The following DUSP8 variants were observed in gnomAD, a reference collection of about 807,000 sequenced individuals.
DUSP8 encodes the protein dual specificity phosphatase 8.
A neutral mutation model predicts 38.7 loss-of-function variants in DUSP8; 15 were observed. That is an observed-to-expected ratio of 0.39 (90% CI 0.26 to 0.60). DUSP8 has a LOEUF of 0.60. Among genes scored for constraint, DUSP8 ranks in the 20% least tolerant of loss-of-function variants. DUSP8 has a pLI of 0.56. For synonymous variants in DUSP8, 458 were observed against 433.9 expected (o/e 1.06, Z -0.69); for missense variants, 768 against 915.0 (o/e 0.84, Z 2.07).
Position 1,565,892 on chromosome 11 carries a change from G to GT in DUSP8, c.-67dup. ...AGGAGGGGCTGCTCCGACGGCCCAG[G>GT]TGTGGCCTCGCGCTGGGAGTGACCT... is the stretch of plus-strand genomic sequence containing the variant. On this transcript the variant is annotated 5_prime_UTR_variant, in exon 2 of 7. Transcript: ENST00000397374. 1 of 1,362,432 alleles carries GT rather than the reference G, an allele frequency of 7.3e-7. No homozygotes were observed. The allele number at this position is 1,362,432 out of a possible 1,614,324, so 84.4% of individuals were successfully genotyped here.
chr11:1,554,419 G>A lies in DUSP8; in HGVS notation c.*2099C>T. On this transcript the variant is annotated 3_prime_UTR_variant, in exon 7 of 7. Coordinates refer to ENST00000397374, the MANE Select transcript of DUSP8 (RefSeq NM_004420.3). The stretch of plus-strand genomic sequence containing the variant: ...CAGTGGCCAGGTGGGAGGGGCCGGA[G>A]AGAGGCTTGGAGAGGACTCAGGGCT... 1 of 153,348 alleles carries A rather than the reference G, an allele frequency of 6.5e-6. No homozygotes were observed. The highest frequency in any genetic ancestry group is 6.5e-5 in the Admixed American group (1 of 15,292). 9.5% of individuals were successfully genotyped at this position (153,348 alleles called of 1,614,324 possible).
intron 2 of DUSP8, 21 bp from the exon 3 acceptor site, chr11:1,564,010 A>T (rs981602337): frequency 7.0e-7 from 1 of 1,437,570 alleles, no homozygotes; most frequent in Non-Finnish European, 9.2e-7. Context: ...TGGGGCAGAG[A>T]TCAGCATGCC....
At position 1,557,070 on chromosome 11, in the gene DUSP8, G is replaced by T. The variant is rs1172727312; in HGVS notation, c.1326C>A (p.Ser442Arg). The stretch of plus-strand genomic sequence containing the variant: ...GGCGCGCCTCAGGCGCGGCGTCCGG[G>T]CTGTCCGGGCTGGGCGAGGACAGGC... ...ALGLSSPSPD[S>R]PDAAPEARPR... Residue 442 changes from serine (S) to arginine (R), a missense_variant, in exon 7 of 7, where the codon AGC becomes AGA. This residue lies in a region of DUSP8 where 474 missense variants were observed against 430.8 expected (regional missense o/e 1.10). Transcript: ENST00000397374. This position sits in a 1 kb window ranked among gnomAD's most constrained non-coding sequence, Gnocchi z 9.9. The T allele has an allele frequency of 1.9e-5, 23 of 1,228,028 alleles. No individual in the cohort carries two copies. Among genetic ancestry groups the T allele is most frequent in the Non-Finnish European group, 2.3e-5 (23 of 983,244 alleles). 76.1% of individuals were successfully genotyped at this position (1,228,028 alleles called of 1,614,324 possible). A position where few individuals can be genotyped will look rare whatever the true frequency, so the allele number is the denominator to read the frequency against.
In DUSP8 at chr11:1,565,829, T is replaced by C. The variant is rs778332368; in HGVS notation, c.-3A>G. 9.4e-6 allele frequency: 15 copies of C among 1,603,924 alleles called. No individual in the cohort carries two copies. In the East Asian group the frequency reaches 3.4e-4, roughly 36 times the overall value. ...CTCGGGAGCCGGTCCCCAGCCATGG[T>C]GGGGCAATGGGTGCTGGGGAGGGTG... On this transcript the variant is annotated 5_prime_UTR_variant, in exon 2 of 7. Coordinates refer to ENST00000397374, the MANE Select transcript of DUSP8 (RefSeq NM_004420.3).
At position 1,556,351 on chromosome 11, in the gene DUSP8, T is replaced by G. The variant is rs918291858; in HGVS notation, c.*167A>C. 1.1e-6 allele frequency: 1 copy of G among 931,964 alleles called. No individual in the cohort carries two copies. The highest frequency in any genetic ancestry group is 1.4e-6 in the Non-Finnish European group (1 of 715,692). The allele number at this position is 931,964 out of a possible 1,614,324, so 57.7% of individuals were successfully genotyped here. ...AATAGAGCTCGAGGACCACCCGCAC[T>G]GTTGCCAAATCATTGCCAGAATGAA... On this transcript the variant is annotated 3_prime_UTR_variant, in exon 7 of 7. Coordinates refer to ENST00000397374, the MANE Select transcript of DUSP8 (RefSeq NM_004420.3). This position sits in a 1 kb window ranked among gnomAD's most constrained non-coding sequence, Gnocchi z 5.2.
chr11:1,556,877 C>T lies in DUSP8; in HGVS notation c.1519G>A (p.Ala507Thr), dbSNP rs1692128601. The T allele has an allele frequency of 1.8e-6, 2 of 1,112,140 alleles. No individual in the cohort carries two copies. The highest frequency in any genetic ancestry group is 2.2e-6 in the Non-Finnish European group (2 of 911,864). The allele number at this position is 1,112,140 out of a possible 1,614,324, so 68.9% of individuals were successfully genotyped here. The change falls in exon 7 of 7, where the codon GCC becomes ACC. Residue 507 changes from alanine (A) to threonine (T), a missense_variant. Around this residue, in one of 3 missense-constraint regions of DUSP8, gnomAD observed 474 missense variants for 430.8 expected, o/e 1.10. Coordinates refer to ENST00000397374, the MANE Select transcript of DUSP8 (RefSeq NM_004420.3). This position sits in a 1 kb window ranked among gnomAD's most constrained non-coding sequence, Gnocchi z 5.2. ...PGPGQPAGPG[A>T]WAPPLDSPGT... is the part of the protein sequence containing the mutation. The stretch of plus-strand genomic sequence containing the variant: ...GGGGAGTCGAGCGGCGGTGCCCAGG[C>T]CCCGGGGCCGGCCGGCTGGCCAGGG...
At chr11:1,569,131 G>A (rs1848850264) in intron 1 of DUSP8, among the ~76,000 whole-genome samples, 1 of 152,178 alleles carries the variant, frequency 6.6e-6, no homozygotes, top group Non-Finnish European at 1.5e-5. Context: ...CTGAGTACCT[G>A]TGGCCCTGCT....
In DUSP8 at chr11:1,555,001, T is replaced by C; in HGVS notation, c.*1517A>G. 1 of 986,356 alleles carries C rather than the reference T, an allele frequency of 1.0e-6. No homozygotes were observed. The highest frequency in any genetic ancestry group is 4.7e-5 in the South Asian group (1 of 21,312). The allele number at this position is 986,356 out of a possible 1,614,324, so 61.1% of individuals were successfully genotyped here. On this transcript the variant is annotated 3_prime_UTR_variant, in exon 7 of 7. Coordinates refer to ENST00000397374, the MANE Select transcript of DUSP8 (RefSeq NM_004420.3). ...TAGAAGAAACAGCAGAGAGGGCGGC[T>C]GGCTGGGGCGGGATGGGCGCCTCCC...
At chr11:1,566,118 C>A (rs1425633490) in intron 1 of DUSP8, among the ~76,000 whole-genome samples, 184 bp from the exon 2 acceptor site, 2 of 152,096 alleles carry the variant, frequency 1.3e-5, no homozygotes, top group East Asian at 3.9e-4. Flanking sequence ...CAGGATGCAA[C>A]AAGGCAGAGG....
chr11:1,556,545 G>C lies in DUSP8; in HGVS notation c.1851C>G (p.Gly617=). The C allele has an allele frequency of 7.2e-7, 1 of 1,387,804 alleles. No homozygotes were observed. The highest frequency in any genetic ancestry group is 9.4e-7 in the Non-Finnish European group (1 of 1,067,148). 86.0% of individuals were successfully genotyped at this position (1,387,804 alleles called of 1,614,324 possible). ...AALGKQASFS[G]SVEVIEVS ...AGGACACCTCGATGACCTCCACGCT[G>C]CCCGAGAAGCTCGCCTGCTTGCCCA... Residue 617 remains glycine (G), a synonymous_variant, in exon 7 of 7, where the codon GGC becomes GGG. Coordinates refer to ENST00000397374, the MANE Select transcript of DUSP8 (RefSeq NM_004420.3). The surrounding 1 kb of genome is among the most constrained non-coding windows in gnomAD (Gnocchi z 5.2).
chr11:1,564,427 T>C (rs1444994292), intron 2 of DUSP8, among the ~76,000 whole-genome samples: 1 of 152,126 alleles, frequency 6.6e-6, no homozygotes, highest in Non-Finnish European at 1.5e-5. Flanking sequence ...TCAGTGGGGC[T>C]AACTGTGTAG....
chr11:1,557,579 G>C lies in DUSP8; in HGVS notation c.822-5C>G. The stretch of plus-strand genomic sequence containing the variant: ...GGGCGCCTGTCCTTCACGAACCTGC[G>C]GGGGAGGAGGCTCAGTCCCAGGCGC... On this transcript the variant is annotated splice_polypyrimidine_tract_variant and splice_region_variant and intron_variant, in intron 6 of 6. Transcript: ENST00000397374. The surrounding 1 kb of genome is among the most constrained non-coding windows in gnomAD (Gnocchi z 9.9). 6.4e-7 allele frequency: 1 copy of C among 1,566,504 alleles called. No homozygotes were observed. The highest frequency in any genetic ancestry group is 8.6e-7 in the Non-Finnish European group (1 of 1,164,842).
chr11:1,570,765 C>T (rs909899650), intron 1 of DUSP8, among the ~76,000 whole-genome samples: 2 of 152,148 alleles, frequency 1.3e-5, no homozygotes, highest in African/African-American at 4.8e-5. Context: ...GGACTGTCCT[C>T]CTGGTGGAGG....
intron 1 of DUSP8, among the ~76,000 whole-genome samples, chr11:1,568,447 G>A (rs1165350863): frequency 6.6e-6 from 1 of 152,154 alleles, no homozygotes; most frequent in African/African-American, 2.4e-5. Context: ...CTGAGCTGGA[G>A]CTGGGCCTAT....
chr11:1,556,757 C>G lies in DUSP8; in HGVS notation c.1639G>C (p.Ala547Pro). The G allele has an allele frequency of 8.3e-7, 1 of 1,202,714 alleles. No homozygotes were observed. The highest frequency in any genetic ancestry group is 4.1e-5 in the South Asian group (1 of 24,470). 74.5% of individuals were successfully genotyped at this position (1,202,714 alleles called of 1,614,324 possible). A position where few individuals can be genotyped will look rare whatever the true frequency, so the allele number is the denominator to read the frequency against. Residue 547 changes from alanine to proline, a missense_variant, in exon 7 of 7, where the codon GCC (alanine) becomes CCC (proline). By Grantham distance (27) the Ala-to-Pro change is conservative. Coordinates refer to ENST00000397374, the MANE Select transcript of DUSP8 (RefSeq NM_004420.3). This position sits in a 1 kb window ranked among gnomAD's most constrained non-coding sequence, Gnocchi z 5.2. ...VLFAPFGRAG[A>P]PGPGGGSDLR... ...TCGCTGCCGCCGCCTGGTCCCGGGG[C>G]GCCCGCCCGGCCGAAGGGCGCAAAC...
rs1848608183 is a variant in DUSP8 at position 1,555,525 on chromosome 11, C to G, written c.*993G>C. The G allele has an allele frequency of 4.2e-6, 4 of 949,450 alleles. No individual in the cohort carries two copies. Among genetic ancestry groups the G allele is most frequent in the Non-Finnish European group, 5.0e-6 (4 of 796,774 alleles). The allele number at this position is 949,450 out of a possible 1,614,324, so 58.8% of individuals were successfully genotyped here. ...CAGACCTGGAACAGAACCCTAAGAC[C>G]ACCCCCTCCTCATACCTGGGGGTCC... On this transcript the variant is annotated 3_prime_UTR_variant, in exon 7 of 7. Coordinates refer to ENST00000397374, the MANE Select transcript of DUSP8 (RefSeq NM_004420.3).
Position 1,557,989 on chromosome 11 carries a change from C to G in DUSP8, c.698-72G>C. ...GCTTCTCCCTGGCCCAGGTAGGGGA[C>G]CCCACCCGCCCAACTGCCAACAGTT... is the stretch of plus-strand genomic sequence containing the variant. On this transcript the variant is annotated intron_variant, in intron 5 of 6. Coordinates refer to ENST00000397374, the MANE Select transcript of DUSP8 (RefSeq NM_004420.3). The surrounding 1 kb of genome is among the most constrained non-coding windows in gnomAD (Gnocchi z 9.9). 6.2e-7 allele frequency: 1 copy of G among 1,610,096 alleles called. No homozygotes were observed. The highest frequency in any genetic ancestry group is 8.5e-7 in the Non-Finnish European group (1 of 1,177,830).
intron 1 of DUSP8, among the ~76,000 whole-genome samples, chr11:1,567,463 C>A (rs558829399): frequency 1.0e-3 from 154 of 152,338 alleles, no homozygotes; most frequent in Non-Finnish European, 1.6e-3. Flanking sequence ...GGACCTCGTC[C>A]CTGGCCCAGC....
chr11:1,556,982 G>A lies in DUSP8; in HGVS notation c.1414C>T (p.Leu472Phe), dbSNP rs1025856895. ...GCCGCATCGCCGAAGTTCAGGCCGA[G>A]GCTGTGCGCGGGGGAGCGCGCGGGG... ...GSPARSPAHS[L>F]GLNFGDAARQ... Residue 472 changes from leucine (L) to phenylalanine (F), a missense_variant, in exon 7 of 7, where the codon CTC becomes TTC. Transcript: ENST00000397374. This position sits in a 1 kb window ranked among gnomAD's most constrained non-coding sequence, Gnocchi z 5.2. 9.6e-7 allele frequency: 1 copy of A among 1,037,934 alleles called. No individual in the cohort carries two copies. Among genetic ancestry groups the A allele is most frequent in the Non-Finnish European group, 1.2e-6 (1 of 867,020 alleles). 64.3% of individuals were successfully genotyped at this position (1,037,934 alleles called of 1,614,324 possible).
Sources: gnomAD v4.1 joint callset for allele counts (sites outside exome capture counted in the v4.1 genomes callset) on GRCh38, gnomAD v4.1.1 for gene constraint, gnomAD v4.1.1 regional missense constraint, Gnocchi (gnomAD v3.1) non-coding constraint, MANE v1.5 for transcripts, NCBI Gene and HGNC (gene_info 2026-07-23, HGNC 2026-07-21) for gene names.